Variants in EDAR observed in about 807,000 individuals in gnomAD.
The protein encoded by EDAR is ectodysplasin A receptor.
A neutral mutation model predicts 51.3 loss-of-function variants in EDAR; 38 were observed. The observed-to-expected ratio is 0.74, with a 90% CI of 0.57 to 0.97. The LOEUF (loss-of-function observed/expected upper bound fraction) is 0.97, where lower values mean the gene tolerates loss of function less well. Among genes scored for constraint, EDAR ranks in the 50% least tolerant of loss-of-function variants. The pLI, the probability that EDAR is intolerant of heterozygous loss-of-function variation, is 0.00. For missense variants in EDAR, 528 were observed against 595.0 expected, an observed-to-expected ratio of 0.89 and a Z score of 1.17; for synonymous variants, 227 against 242.1, an observed-to-expected ratio of 0.94 and a Z score of 0.58.
intron 1 of EDAR, among the ~76,000 whole-genome samples, chr2:108,931,363 T>C (rs942456181): frequency 6.6e-6 from 1 of 152,198 alleles, no homozygotes; most frequent in Admixed American, 6.5e-5. Context: ...GAGCTTTAAG[T>C]CTGGAGTCCT....
Position 108,896,956 on chromosome 2 carries a change from T to C in EDAR, c.1298A>G (p.Glu433Gly). ...AVESLCADILEWAGVVPPASQ... is the reference protein window; with the variant it reads ...AVESLCADILGWAGVVPPASQ... ...GGCAGGTGGCACAACCCCCGCCCAC[T>C]CCAGTATGTCTGCACACAAGGACTC... Residue 433 changes from glutamate (E) to glycine (G), a missense_variant, in exon 12 of 12, where the codon GAG becomes GGG. By Grantham distance (98) the Glu-to-Gly change is moderately conservative. Coordinates refer to ENST00000258443, the MANE Select transcript of EDAR (RefSeq NM_022336.4). The C allele has an allele frequency of 6.2e-7, 1 of 1,613,570 alleles. No individual in the cohort carries two copies. The highest frequency in any genetic ancestry group is 8.5e-7 in the Non-Finnish European group (1 of 1,179,836).
rs567551959 is a variant in EDAR at position 108,931,201 on chromosome 2, TGG to T, written c.-18-171_-18-170del. ...AAGCTGAAGCTGTACCCATGCCACTTGGGCTGACTCTGGGGCCTTCCCAGCCT... is the reference window on the plus strand; with the variant it reads ...AAGCTGAAGCTGTACCCATGCCACTTGCTGACTCTGGGGCCTTCCCAGCCT... On this transcript the variant is annotated intron_variant, in intron 1 of 11. Transcript: ENST00000258443. Among the ~76,000 whole-genome samples the T allele has an allele frequency of 6.6e-5, 10 of 152,334 alleles. No individual in the cohort carries two copies. The South Asian group carries it at 2.1e-3, about 32-fold the overall frequency.
intron 11 of EDAR, among the ~76,000 whole-genome samples, chr2:108,899,711 C>A (rs957151071): frequency 2.6e-5 from 4 of 152,184 alleles, no homozygotes; most frequent in Non-Finnish European, 5.9e-5. Flanking sequence ...TAAGGCTGGG[C>A]ACGGTGGCTC....
At position 108,974,600 on chromosome 2, in the gene EDAR, T is replaced by C. The variant is rs577613349; in HGVS notation, c.-19+14360A>G. On this transcript the variant is annotated intron_variant, in intron 1 of 11. Coordinates refer to ENST00000258443, the MANE Select transcript of EDAR (RefSeq NM_022336.4). Reference sequence around the variant, plus strand: ...CAAAAATTAGCTGGGCATGGTGGTGTGTGCCTGTAATCCCAGCTACTTGGG... The same window carrying C: ...CAAAAATTAGCTGGGCATGGTGGTGCGTGCCTGTAATCCCAGCTACTTGGG... Among the ~76,000 whole-genome samples the C allele has an allele frequency of 1.4e-4, 21 of 150,454 alleles. 1 individual carries two copies. In the East Asian group the frequency reaches 3.8e-3, roughly 27 times the overall value.
At chr2:108,934,718 C>G (rs558359438) in intron 1 of EDAR, among the ~76,000 whole-genome samples, 1 of 152,266 alleles carries the variant, frequency 6.6e-6, no homozygotes, top group East Asian at 1.9e-4. Context: ...AGCCCACTCT[C>G]GAGATAACGA....
At chr2:108,951,818 A>G (rs112116966) in intron 1 of EDAR, among the ~76,000 whole-genome samples, 216 of 152,288 alleles carry the variant, frequency 1.4e-3, no homozygotes, top group African/African-American at 4.9e-3. Context: ...TGTGTTATGG[A>G]CTATCTTCTC....
chr2:108,967,470 C>T (rs966125202), intron 1 of EDAR, among the ~76,000 whole-genome samples: 1 of 152,098 alleles, frequency 6.6e-6, no homozygotes, highest in Non-Finnish European at 1.5e-5. Flanking sequence ...CTTTAAAGTT[C>T]GTGTTTACGG....
chr2:108,925,380 G>T (rs1417260964), intron 4 of EDAR, among the ~76,000 whole-genome samples: 1 of 152,238 alleles, frequency 6.6e-6, no homozygotes, highest in Non-Finnish European at 1.5e-5. Flanking sequence ...CATGGGTAAA[G>T]CTCCAAGGCT....
At chr2:108,969,467 G>A (rs1698201707) in intron 1 of EDAR, among the ~76,000 whole-genome samples, 1 of 152,186 alleles carries the variant, frequency 6.6e-6, no homozygotes, top group South Asian at 2.1e-4. Flanking sequence ...ACCATGCCAG[G>A]CCTCCAAAGG....
intron 1 of EDAR, among the ~76,000 whole-genome samples, chr2:108,952,198 T>A (rs2104371686): frequency 6.6e-6 from 1 of 152,296 alleles, no homozygotes; most frequent in Non-Finnish European, 1.5e-5. Context: ...ATGAGCACCA[T>A]GTGTGGAAGG....
intron 1 of EDAR, among the ~76,000 whole-genome samples, chr2:108,988,451 C>A (rs1036107487): frequency 6.6e-6 from 1 of 152,150 alleles, no homozygotes; most frequent in African/African-American, 2.4e-5. Flanking sequence ...CCTCTCCCCG[C>A]TCCCCCGCCA....
intron 4 of EDAR, among the ~76,000 whole-genome samples, chr2:108,928,538 T>A (rs1407231239): frequency 1.3e-5 from 2 of 152,182 alleles, no homozygotes; most frequent in Non-Finnish European, 2.9e-5. Flanking sequence ...ACTGCTTTTA[T>A]CTTTAGTCTC....
At chr2:108,950,679 G>T (rs1291188972) in intron 1 of EDAR, among the ~76,000 whole-genome samples, 2 of 152,236 alleles carry the variant, frequency 1.3e-5, no homozygotes, top group Non-Finnish European at 2.9e-5. Flanking sequence ...GCTGCCCTCA[G>T]CCTTCTCCAC....
intron 4 of EDAR, among the ~76,000 whole-genome samples, chr2:108,928,642 CTG>C (rs1485863402): frequency 3.3e-5 from 5 of 152,174 alleles, no homozygotes; most frequent in African/African-American, 9.7e-5. Flanking sequence ...GATTGAGAGT[CTG>C]TATTTTCCTG....
At chr2:108,930,289 A>C (rs777966759) in intron 2 of EDAR, 47 bp from the exon 3 acceptor site, 3 of 1,613,124 alleles carry the variant, frequency 1.9e-6, no homozygotes, top group Admixed American at 1.7e-5. Flanking sequence ...CCTTAGAAAC[A>C]CATGTGACTC....
chr2:108,921,081 G>C (rs1697128715), intron 5 of EDAR, among the ~76,000 whole-genome samples: 1 of 152,156 alleles, frequency 6.6e-6, no homozygotes, highest in South Asian at 2.1e-4. Flanking sequence ...AAACCCCCAG[G>C]GTGCTCCCCT....
intron 1 of EDAR, among the ~76,000 whole-genome samples, chr2:108,944,629 A>C (rs756882422): frequency 1.3e-4 from 19 of 151,032 alleles, no homozygotes; most frequent in Non-Finnish European, 2.7e-4. Flanking sequence ...TGCTGGGCTA[A>C]GTGCCAGGGT....
At chr2:108,928,176 C>T (rs977998351) in intron 4 of EDAR, among the ~76,000 whole-genome samples, 5 of 152,180 alleles carry the variant, frequency 3.3e-5, no homozygotes, top group Non-Finnish European at 5.9e-5. Flanking sequence ...CTTGCTCTGG[C>T]CACAGGGACC....
chr2:108,965,929 T>C (rs1698144183), intron 1 of EDAR, among the ~76,000 whole-genome samples: 1 of 151,992 alleles, frequency 6.6e-6, no homozygotes, highest in Non-Finnish European at 1.5e-5. Flanking sequence ...AAAAACCAGG[T>C]ACTATCAACG....
Sources: gnomAD v4.1 joint callset for allele counts (sites outside exome capture counted in the v4.1 genomes callset) on GRCh38, gnomAD v4.1.1 for gene constraint, MANE v1.5 for transcripts, NCBI Gene and HGNC (gene_info 2026-07-23, HGNC 2026-07-21) for gene names.